LRBA: variants seen among roughly 807,000 people sequenced by gnomAD.
LRBA encodes LPS responsive beige-like anchor protein, also known as lipopolysaccharide-responsive and beige-like anchor protein.
Under a neutral mutation model 330.0 loss-of-function variants are expected in LRBA, and 176 were observed. The observed-to-expected ratio is 0.53, with a 90% CI of 0.47 to 0.60. The LOEUF (loss-of-function observed/expected upper bound fraction) is 0.60, where lower values mean the gene tolerates loss of function less well. Ranked by LOEUF, LRBA falls within the 20% of genes least tolerant of loss-of-function variation. The pLI is 0.00. For synonymous variants in LRBA, 1,230 were observed against 1,193.0 expected, an observed-to-expected ratio of 1.03 and a Z score of -0.64; for missense variants, 3,259 against 3,444.8, an observed-to-expected ratio of 0.95 and a Z score of 1.35.
chr4:150,486,720 C>T (rs995119292), intron 42 of LRBA, among the ~76,000 whole-genome samples: 25 of 151,694 alleles, frequency 1.6e-4, no homozygotes, highest in Non-Finnish European at 3.0e-5. Flanking sequence ...AGTCACTATG[C>T]TGTAAGATAG....
At chr4:150,318,370 G>A (rs1452358343) in intron 50 of LRBA, among the ~76,000 whole-genome samples, 1 of 152,244 alleles carries the variant, frequency 6.6e-6, no homozygotes, top group Non-Finnish European at 1.5e-5. Flanking sequence ...ACTACTCAAA[G>A]AACTGAGGGG....
At chr4:150,883,640 G>A (rs937153517) in intron 17 of LRBA, among the ~76,000 whole-genome samples, 9 of 151,966 alleles carry the variant, frequency 5.9e-5, no homozygotes, top group Non-Finnish European at 1.0e-4. Context: ...CTGAATTTTT[G>A]GACCCAAAGA....
chr4:150,529,453 C>T (rs751408251), intron 40 of LRBA, among the ~76,000 whole-genome samples: 5 of 152,138 alleles, frequency 3.3e-5, no homozygotes, highest in Admixed American at 6.5e-5. Flanking sequence ...TGTGGTGGCT[C>T]ACATCTGTAA....
At chr4:150,453,681 T>C (rs1179686108) in intron 44 of LRBA, among the ~76,000 whole-genome samples, 2 of 152,176 alleles carry the variant, frequency 1.3e-5, no homozygotes, top group Non-Finnish European at 2.9e-5. Flanking sequence ...CAGTCTCTAA[T>C]ATATATACAC....
chr4:150,985,293 A>T (rs1054056709), intron 2 of LRBA, among the ~76,000 whole-genome samples: 3 of 151,782 alleles, frequency 2.0e-5, no homozygotes, highest in African/African-American at 7.2e-5. Flanking sequence ...TAAATTAAAA[A>T]ATAAAACAAA....
intron 22 of LRBA, among the ~76,000 whole-genome samples, chr4:150,858,051 T>A (rs1258431295): frequency 6.6e-6 from 1 of 152,196 alleles, no homozygotes; most frequent in Non-Finnish European, 1.5e-5. Flanking sequence ...GTTAATAAGT[T>A]ATACATAGGT....
chr4:150,897,837 C>G lies in LRBA; in HGVS notation c.1925-19G>C, dbSNP rs1730271190. On this transcript the variant is annotated intron_variant, in intron 14 of 56. Coordinates refer to ENST00000651943, the MANE Select transcript of LRBA (RefSeq NM_001364905.1). ...GGTCCATCTTTTAAAAAAATATACACATACACATTTAGTATTTAAAGGACC... is the reference window on the plus strand; with the variant it reads ...GGTCCATCTTTTAAAAAAATATACAGATACACATTTAGTATTTAAAGGACC... 1 of 1,528,668 alleles carries G rather than the reference C, an allele frequency of 6.5e-7. No homozygotes were observed. The highest frequency in any genetic ancestry group is 1.4e-5 in the African/African-American group (1 of 73,142). 94.7% of individuals were successfully genotyped at this position (1,528,668 alleles called of 1,614,324 possible).
At position 151,014,739 on chromosome 4, in the gene LRBA, C is replaced by A; in HGVS notation, c.-97G>T. On this transcript the variant is annotated 5_prime_UTR_variant, in exon 2 of 57. Coordinates refer to ENST00000651943, the MANE Select transcript of LRBA (RefSeq NM_001364905.1). ...CACACGCAATGCAAAACGAAAGGGT[C>A]CCTCTTCCAACTTGTGGAGATACCC... 1.3e-6 allele frequency: 1 copy of A among 782,238 alleles called. No individual in the cohort carries two copies. The highest frequency in any genetic ancestry group is 2.0e-6 in the Non-Finnish European group (1 of 487,960). 48.5% of individuals were successfully genotyped at this position (782,238 alleles called of 1,614,324 possible).
chr4:150,741,238 G>T (rs898209257), intron 35 of LRBA, among the ~76,000 whole-genome samples: 4 of 152,122 alleles, frequency 2.6e-5, no homozygotes, highest in African/African-American at 9.6e-5. Context: ...AAACTTCAGA[G>T]AGAGAGAATA....
chr4:150,524,758 G>A (rs1019279468), intron 40 of LRBA, among the ~76,000 whole-genome samples: 6 of 152,090 alleles, frequency 3.9e-5, no homozygotes, highest in Non-Finnish European at 8.8e-5. Context: ...AATACTGCCT[G>A]TAAACTAGCA....
chr4:150,830,207 G>A (rs1746959127), intron 29 of LRBA, among the ~76,000 whole-genome samples: 1 of 152,156 alleles, frequency 6.6e-6, no homozygotes, highest in Non-Finnish European at 1.5e-5. Context: ...AGGCTTGACT[G>A]ACAATAACCC....
intron 28 of LRBA, chr4:150,840,793 T>C (rs1748958603): frequency 2.3e-6 from 1 of 428,464 alleles, no homozygotes; most frequent in South Asian, 4.6e-5. Context: ...ACCATCAATT[T>C]GTAAAAAATC....
chr4:150,793,529 A>G (rs1008197702), intron 34 of LRBA, among the ~76,000 whole-genome samples: 12 of 152,244 alleles, frequency 7.9e-5, no homozygotes, highest in African/African-American at 2.9e-4. Flanking sequence ...CCATGTTACC[A>G]TTGATTTATC....
At chr4:150,425,544 C>G (rs1052581805) in intron 46 of LRBA, among the ~76,000 whole-genome samples, 1 of 152,152 alleles carries the variant, frequency 6.6e-6, no homozygotes, top group Non-Finnish European at 1.5e-5. Flanking sequence ...GCTTTCATGG[C>G]ATAATGACAA....
intron 40 of LRBA, among the ~76,000 whole-genome samples, chr4:150,533,443 A>G (rs1331910244): frequency 1.3e-5 from 2 of 152,006 alleles, no homozygotes; most frequent in African/African-American, 2.4e-5. Context: ...AAAGGCTGGG[A>G]TTACAGATGT....
chr4:150,546,861 T>C (rs1765919881), intron 40 of LRBA, among the ~76,000 whole-genome samples: 1 of 152,156 alleles, frequency 6.6e-6, no homozygotes, highest in African/African-American at 2.4e-5. Flanking sequence ...GCATTGATCA[T>C]AGAGGAAAAT....
At chr4:150,472,140 A>C (rs1176959305) in intron 42 of LRBA, among the ~76,000 whole-genome samples, 1 of 152,124 alleles carries the variant, frequency 6.6e-6, no homozygotes. Flanking sequence ...ACACATTTTT[A>C]CATTATAAAT....
At chr4:150,403,762 C>G (rs1180560752) in intron 47 of LRBA, among the ~76,000 whole-genome samples, 1 of 152,082 alleles carries the variant, frequency 6.6e-6, no homozygotes, top group Admixed American at 6.6e-5. Flanking sequence ...TGGCTCACAC[C>G]TGTAATCCCA....
rs373782725 is a variant in LRBA, at chr4:150,323,025, G to GTGTGTGTGTGTGT, written c.7453-1658_7453-1657insACACACACACACA. ...TGTGTGTGTGTGTGTGTGTGTGTGT[G>GTGTGTGTGTGTGT]GGGATGCATTGATGGTTGATGGGGG... On this transcript the variant is annotated intron_variant, in intron 49 of 56. Coordinates refer to ENST00000651943, the MANE Select transcript of LRBA (RefSeq NM_001364905.1). 8.4e-5 allele frequency among the ~76,000 whole-genome samples: 12 copies of GTGTGTGTGTGTGT among 142,532 alleles called. 1 individual carries two copies. The highest frequency in any genetic ancestry group is 2.2e-4 in the South Asian group (1 of 4,576). 93.5% of individuals were successfully genotyped at this position (142,532 alleles called of 152,430 possible). A position where few individuals can be genotyped will look rare whatever the true frequency, so the allele number is the denominator to read the frequency against.
Sources: allele counts gnomAD v4.1 joint callset (sites outside exome capture counted in the v4.1 genomes callset), GRCh38; gene constraint gnomAD v4.1.1; transcripts MANE v1.5; gene names NCBI Gene and HGNC (gene_info 2026-07-23, HGNC 2026-07-21).